Variants in SCUBE1 observed in about 807,000 individuals in gnomAD.
SCUBE1 encodes the protein signal peptide, CUB domain and EGF like domain containing 1.
A neutral mutation model predicts 124.4 loss-of-function variants in SCUBE1; 59 were observed. That is an observed-to-expected ratio of 0.47 (90% confidence interval 0.38 to 0.59). The LOEUF is 0.59. Ranked by LOEUF, SCUBE1 falls within the 20% of genes least tolerant of loss-of-function variation. SCUBE1 has a pLI of 0.00. For synonymous variants in SCUBE1, 545 were observed against 550.9 expected (o/e 0.99, Z 0.15); for missense variants, 1,150 against 1,371.2 (o/e 0.84, Z 2.55).
chr22:43,296,786 A>AGGGAG (rs56058247), intron 3 of SCUBE1, among the ~76,000 whole-genome samples: 103,872 of 151,618 alleles, frequency 0.69, 38,376 homozygotes, highest in Admixed American at 0.82. Context: ...ATGGCAGGCA[A>AGGGAG]GGGAGCTGGG....
chr22:43,207,360 A>G (rs1260473308), intron 21 of SCUBE1, among the ~76,000 whole-genome samples, 174 bp downstream of exon 21: 1 of 152,160 alleles, frequency 6.6e-6, no homozygotes, highest in Non-Finnish European at 1.5e-5. Context: ...ACAGATGTGC[A>G]GGACCCAGTC....
At chr22:43,268,077 C>G (rs1489483773) in intron 4 of SCUBE1, among the ~76,000 whole-genome samples, 3 of 152,216 alleles carry the variant, frequency 2.0e-5, no homozygotes, top group African/African-American at 2.4e-5. Flanking sequence ...CTGAGCCAGC[C>G]AGGTCCATGC....
At chr22:43,249,212 T>C (rs1923338726) in intron 6 of SCUBE1, among the ~76,000 whole-genome samples, 1 of 149,580 alleles carries the variant, frequency 6.7e-6, no homozygotes, top group Non-Finnish European at 1.5e-5. Flanking sequence ...CAGGAGTGGG[T>C]GAATGTGCGG....
chr22:43,278,324 ATCT>A (rs1924617521), intron 4 of SCUBE1, among the ~76,000 whole-genome samples: 2 of 152,348 alleles, frequency 1.3e-5, no homozygotes, highest in South Asian at 4.1e-4. Flanking sequence ...TGCCTGGCTG[ATCT>A]TCTCCAAGGA....
At chr22:43,216,287 T>C (rs1921807054) in intron 15 of SCUBE1, among the ~76,000 whole-genome samples, 1 of 149,524 alleles carries the variant, frequency 6.7e-6, no homozygotes, top group South Asian at 2.2e-4. Context: ...CCTCAGGTGA[T>C]CCACCTGTCT....
chr22:43,283,795 A>C (rs1404868596), intron 4 of SCUBE1: 4 of 152,262 alleles, frequency 2.6e-5, no homozygotes, highest in Admixed American at 6.5e-5. Flanking sequence ...CTTCTTATGG[A>C]TCTACAATTA....
intron 10 of SCUBE1, among the ~76,000 whole-genome samples, chr22:43,225,514 C>T (rs551127118): frequency 1.3e-4 from 20 of 151,392 alleles, no homozygotes; most frequent in South Asian, 6.3e-4. Context: ...CGGTGGCTCA[C>T]GCCTGCAATC....
rs1921514497 is a variant in SCUBE1, at chr22:43,210,816, C to T, written c.2383+106G>A. The T allele has an allele frequency of 7.4e-7, 1 of 1,342,668 alleles. No individual in the cohort carries two copies. The highest frequency in any genetic ancestry group is 1.0e-6 in the Non-Finnish European group (1 of 954,388). The allele number at this position is 1,342,668 out of a possible 1,614,324, so 83.2% of individuals were successfully genotyped here. On this transcript the variant is annotated intron_variant, in intron 18 of 21. Transcript: ENST00000360835. The surrounding 1 kb of genome is among the most constrained non-coding windows in gnomAD (Gnocchi z 4.5). ...CAGACGGGACGGAGCGGGAGGAGTC[C>T]AGTGTCCTCGTGGAGCTCGTGTGAG...
At position 43,305,304 on chromosome 22, in the gene SCUBE1, C is replaced by CT. The variant is rs1167496225; in HGVS notation, c.350-14125dup. Among the ~76,000 whole-genome samples, 10 of 152,332 alleles carry CT rather than the reference C, an allele frequency of 6.6e-5. No individual in the cohort carries two copies. The South Asian group carries it at 1.9e-3, about 28-fold the overall frequency. The stretch of plus-strand genomic sequence containing the variant: ...GATTTTGTCTTTTCTCTGGATTTCT[C>CT]TGAGTGTTTCTGTATAATTATTGCA... On this transcript the variant is annotated intron_variant, in intron 3 of 21. Coordinates refer to ENST00000360835, the MANE Select transcript of SCUBE1 (RefSeq NM_173050.5).
chr22:43,235,982 C>T (rs936635333), intron 7 of SCUBE1, among the ~76,000 whole-genome samples: 1 of 152,180 alleles, frequency 6.6e-6, no homozygotes, highest in African/African-American at 2.4e-5. Context: ...CACCTGCCCA[C>T]GTGACCCCCA....
intron 4 of SCUBE1, among the ~76,000 whole-genome samples, chr22:43,279,987 T>C (rs1306473673): frequency 6.6e-6 from 1 of 152,136 alleles, no homozygotes; most frequent in East Asian, 1.9e-4. Context: ...TACTGAGCTT[T>C]TCCTCACTCA....
chr22:43,331,373 A>C (rs1926897812), intron 2 of SCUBE1, among the ~76,000 whole-genome samples: 1 of 152,310 alleles, frequency 6.6e-6, no homozygotes, highest in Non-Finnish European at 1.5e-5. Context: ...CCCAAACAAC[A>C]AAGTTATTTC....
At chr22:43,222,890 G>T in intron 11 of SCUBE1, 148 bp from the exon 12 acceptor site, 1 of 944,658 alleles carries the variant, frequency 1.1e-6, no homozygotes, top group Non-Finnish European at 1.6e-6. Flanking sequence ...CAGGGAAGTG[G>T]CCAGGAGGAA....
rs147080927 is a variant in SCUBE1, at chr22:43,227,423, G to A, written c.1158C>T (p.Cys386=). The change falls in exon 10 of 22, where the codon TGC becomes TGT. Residue 386 remains cysteine (C), a synonymous_variant. Coordinates refer to ENST00000360835, the MANE Select transcript of SCUBE1 (RefSeq NM_173050.5). ...GGAGCCGCCTCCCCGGGGGACAGAC[G>A]CACTCGTAGCTGCCCTTGGTGTTGA... ...GCVNTKGSYE[C]VCPPGRRLHW... 7.8e-4 allele frequency: 1,262 copies of A among 1,612,902 alleles called. 11 individuals carry two copies. The African/African-American group carries it at 0.014, about 17-fold the overall frequency.
chr22:43,266,059 C>T (rs1031954309), intron 4 of SCUBE1, among the ~76,000 whole-genome samples: 1 of 152,118 alleles, frequency 6.6e-6, no homozygotes, highest in African/African-American at 2.4e-5. Flanking sequence ...TGAGATTGCG[C>T]CATTGCACTG....
chr22:43,266,169 C>T (rs1301532312), intron 4 of SCUBE1, among the ~76,000 whole-genome samples: 2 of 152,114 alleles, frequency 1.3e-5, no homozygotes, highest in East Asian at 1.9e-4. Context: ...TTTTCCAGAA[C>T]AAGGAGGGTG....
At chr22:43,270,510 T>C (rs2146721306) in intron 4 of SCUBE1, 1 of 152,372 alleles carries the variant, frequency 6.6e-6, no homozygotes, top group East Asian at 1.9e-4. Flanking sequence ...AGGGTGCCGA[T>C]TCCGATCCTG....
intron 12 of SCUBE1, among the ~76,000 whole-genome samples, chr22:43,221,968 G>A (rs920567534): frequency 7.9e-5 from 12 of 152,146 alleles, no homozygotes; most frequent in African/African-American, 2.9e-4. Flanking sequence ...GGAGGCTGAG[G>A]CAGGAGAATT....
intron 3 of SCUBE1, among the ~76,000 whole-genome samples, chr22:43,292,983 G>C (rs1372775573): frequency 1.3e-5 from 2 of 152,234 alleles, no homozygotes; most frequent in African/African-American, 4.8e-5. Context: ...AGCCTGGGGA[G>C]GAGGGAGAGG....
Sources: allele counts gnomAD v4.1 joint callset (sites outside exome capture counted in the v4.1 genomes callset), GRCh38; gene constraint gnomAD v4.1.1; non-coding constraint Gnocchi (gnomAD v3.1); transcripts MANE v1.5; gene names NCBI Gene and HGNC (gene_info 2026-07-23, HGNC 2026-07-21).